TNS3: variants seen among roughly 807,000 people sequenced by gnomAD.
TNS3 encodes tensin-3.
A neutral mutation model predicts 140.9 loss-of-function variants in TNS3; 45 were observed. That is an observed-to-expected ratio of 0.32 (90% CI 0.25 to 0.41). The LOEUF (loss-of-function observed/expected upper bound fraction) is 0.41, where lower values mean the gene tolerates loss of function less well. Ranked by LOEUF, TNS3 falls within the 10% of genes least tolerant of loss-of-function variation. The pLI is 1.00. For missense variants in TNS3, 1,716 were observed against 1,906.7 expected (o/e 0.90, Z 1.86); for synonymous variants, 815 against 788.4 (o/e 1.03, Z -0.56).
Position 47,283,804 on chromosome 7 carries a change from G to A in TNS3, c.3990C>T (p.Ile1330=), listed in dbSNP as rs1339687676. 1.2e-6 allele frequency: 2 copies of A among 1,612,010 alleles called. No homozygotes were observed. The highest frequency in any genetic ancestry group is 2.7e-5 in the African/African-American group (2 of 74,828). The part of the protein sequence containing the change: ...EMESLTGHQA[I]QKALSITLVQ... ...CCAGGGTGATGCTCAGGGCCTTCTG[G>A]ATCGCCTGGTGGCCGGTGAGGGACT... The change falls in exon 28 of 31, where the codon ATC becomes ATT. Residue 1330 remains isoleucine (I), a synonymous_variant. Coordinates refer to ENST00000311160, the MANE Select transcript of TNS3 (RefSeq NM_022748.12).
At chr7:47,344,886 T>C (rs1789240759) in intron 19 of TNS3, 38 bp downstream of exon 19, 2 of 1,611,954 alleles carry the variant, frequency 1.2e-6, no homozygotes. Context: ...TCCTTGGGCA[T>C]GGAGCAGCAC....
chr7:47,500,214 A>ATC (rs1798160312), intron 3 of TNS3, among the ~76,000 whole-genome samples: 2 of 152,302 alleles, frequency 1.3e-5, no homozygotes, highest in South Asian at 4.1e-4. Flanking sequence ...AGCACGCTGC[A>ATC]TCTGGGTCCA....
At chr7:47,320,092 G>A (rs1320509449) in intron 20 of TNS3, among the ~76,000 whole-genome samples, 1 of 152,142 alleles carries the variant, frequency 6.6e-6, no homozygotes, top group Non-Finnish European at 1.5e-5. Context: ...TCTTTGTTCA[G>A]AAAACATAAG....
At chr7:47,439,783 A>T in intron 5 of TNS3, 125 bp from the exon 6 acceptor site, 1 of 960,006 alleles carries the variant, frequency 1.0e-6, no homozygotes, top group East Asian at 2.6e-5. Flanking sequence ...CTGGGCGGCC[A>T]GCTACGGGAA....
At position 47,345,016 on chromosome 7, in the gene TNS3, T is replaced by A. The variant is rs61731311; in HGVS notation, c.2474A>T (p.Gln825Leu). 2 of 1,613,996 alleles carry A rather than the reference T, an allele frequency of 1.2e-6. No individual in the cohort carries two copies. Residue 825 changes from glutamine (Q) to leucine (L), a missense_variant, in exon 19 of 31, where the codon CAG (glutamine) becomes CTG (leucine). Gln to Leu is a moderately radical substitution (Grantham distance 113). Coordinates refer to ENST00000311160, the MANE Select transcript of TNS3 (RefSeq NM_022748.12). Reference sequence around the variant, plus strand: ...TCTGCCATCGATAATATCGAGGTCCTGGGGATAGCCAGGGGTCATCGTCTG... The same window carrying A: ...TCTGCCATCGATAATATCGAGGTCCAGGGGATAGCCAGGGGTCATCGTCTG... ...VKETMTPGYP[Q>L]DLDIIDGRIL...
chr7:47,556,622 C>T (rs940760777), intron 1 of TNS3, among the ~76,000 whole-genome samples: 1 of 152,346 alleles, frequency 6.6e-6, no homozygotes, highest in South Asian at 2.1e-4. Context: ...GTGACTTCCT[C>T]CCAACAAGTT....
intron 4 of TNS3, among the ~76,000 whole-genome samples, chr7:47,480,525 G>A (rs1469282563): frequency 2.0e-5 from 3 of 152,230 alleles, no homozygotes; most frequent in South Asian, 4.1e-4. Context: ...AGCTCCAAAG[G>A]ATGGAGGCAA....
At chr7:47,444,737 C>T (rs927741518) in intron 4 of TNS3, among the ~76,000 whole-genome samples, 2 of 152,168 alleles carry the variant, frequency 1.3e-5, no homozygotes, top group Non-Finnish European at 2.9e-5. Context: ...GGCCTCGATA[C>T]AGTAACTCCA....
At chr7:47,540,607 C>T (rs1210466134) in intron 1 of TNS3, among the ~76,000 whole-genome samples, 1 of 123,182 alleles carries the variant, frequency 8.1e-6, no homozygotes, top group Non-Finnish European at 1.8e-5. Flanking sequence ...TCACCCCGCC[C>T]CTCCCAGAGG....
chr7:47,529,392 A>C (rs117316504), intron 1 of TNS3, among the ~76,000 whole-genome samples: 4,755 of 152,274 alleles, frequency 0.031, 89 homozygotes, highest in Non-Finnish European at 0.042. Context: ...CCAACTCATC[A>C]ATCACCACAT....
At chr7:47,361,206 CAA>C (rs56823708) in intron 17 of TNS3, among the ~76,000 whole-genome samples, 2,463 of 47,186 alleles carry the variant, frequency 0.052, 105 homozygotes, top group African/African-American at 0.14. Context: ...GTAACCATGC[CAA>C]AAAAAAAAAA....
chr7:47,483,844 C>T (rs549496167), intron 3 of TNS3, among the ~76,000 whole-genome samples: 2 of 152,374 alleles, frequency 1.3e-5, no homozygotes, highest in East Asian at 3.9e-4. Flanking sequence ...CACGCCCAAT[C>T]TTGTCGAACT....
At chr7:47,434,164 C>G (rs1212140326) in intron 8 of TNS3, among the ~76,000 whole-genome samples, 1 of 152,150 alleles carries the variant, frequency 6.6e-6, no homozygotes, top group Non-Finnish European at 1.5e-5. Context: ...CAGCTGTAAA[C>G]ACCATCCACA....
rs534041649 is a variant in TNS3 at position 47,342,051 on chromosome 7, G to A, written c.2650+2704C>T. Among the ~76,000 whole-genome samples the A allele has an allele frequency of 2.0e-5, 3 of 152,116 alleles. 1 individual carries two copies. The South Asian group carries it at 6.2e-4, about 32-fold the overall frequency. On this transcript the variant is annotated intron_variant, in intron 20 of 30. Coordinates refer to ENST00000311160, the MANE Select transcript of TNS3 (RefSeq NM_022748.12). ...CCCTTCTGTTACTGATTTCTAGTGA[G>A]TCCATTGTGGTTGGAGAACATGTTC...
At chr7:47,280,949 T>G (rs1342923360) in intron 28 of TNS3, among the ~76,000 whole-genome samples, 1 of 149,888 alleles carries the variant, frequency 6.7e-6, no homozygotes, top group African/African-American at 2.5e-5. Context: ...GAAAAGCTGG[T>G]AGGGTGTGAG....
chr7:47,508,673 GC>G, intron 2 of TNS3, among the ~76,000 whole-genome samples: 1 of 152,238 alleles, frequency 6.6e-6, no homozygotes, highest in Non-Finnish European at 1.5e-5. Context: ...CTGGTGTATA[GC>G]CCCCTCCCAC....
intron 2 of TNS3, among the ~76,000 whole-genome samples, chr7:47,522,882 C>T (rs1224461718): frequency 6.7e-6 from 1 of 149,844 alleles, no homozygotes; most frequent in Non-Finnish European, 1.5e-5. Context: ...GAGCTGAGAT[C>T]GCGCCAATGC....
intron 16 of TNS3, among the ~76,000 whole-genome samples, chr7:47,385,081 A>T (rs1315041919): frequency 6.6e-6 from 1 of 152,196 alleles, no homozygotes; most frequent in Non-Finnish European, 1.5e-5. Context: ...GTGACGCCAC[A>T]GCCAGTGAAC....
Position 47,305,153 on chromosome 7 carries a change from G to A in TNS3, c.2651-150C>T, listed in dbSNP as rs1006964269. The A allele has an allele frequency of 4.7e-5, 26 of 550,056 alleles. No homozygotes were observed. In the East Asian group the frequency reaches 6.3e-4, roughly 13 times the overall value. The allele number at this position is 550,056 out of a possible 1,614,324, so 34.1% of individuals were successfully genotyped here. A position where few individuals can be genotyped will look rare whatever the true frequency, so the allele number is the denominator to read the frequency against. ...CATACTGAACATGACATCACTACCC[G>A]TAATAGGCTGGAGGAGGCGGCCAGC... On this transcript the variant is annotated intron_variant, in intron 20 of 30. Coordinates refer to ENST00000311160, the MANE Select transcript of TNS3 (RefSeq NM_022748.12).
Sources: gnomAD v4.1 joint callset for allele counts (sites outside exome capture counted in the v4.1 genomes callset) on GRCh38, gnomAD v4.1.1 for gene constraint, MANE v1.5 for transcripts, NCBI Gene and HGNC (gene_info 2026-07-23, HGNC 2026-07-21) for gene names.